Variants in TNFRSF10A observed in about 807,000 individuals in gnomAD.
The protein encoded by TNFRSF10A is tumor necrosis factor receptor superfamily member 10A.
Under a neutral mutation model 42.8 loss-of-function variants are expected in TNFRSF10A, and 44 were observed. The observed-to-expected ratio is 1.03, with a 90% CI of 0.81 to 1.32. The LOEUF (loss-of-function observed/expected upper bound fraction) is 1.32, where lower values mean the gene tolerates loss of function less well. TNFRSF10A is among the 40% of genes most tolerant of loss of function. TNFRSF10A has a pLI of 0.00. For missense variants in TNFRSF10A, 680 were observed against 602.0 expected (o/e 1.13, Z -1.36); for synonymous variants, 259 against 234.2 (o/e 1.11, Z -0.97).
chr8:23,191,806 A>C lies in TNFRSF10A; in HGVS notation c.1295T>G (p.Leu432Trp), dbSNP rs925466703. Residue 432 changes from leucine to tryptophan, a missense_variant, in exon 10 of 10, where the codon TTG (leucine) becomes TGG (tryptophan). Leu to Trp is a moderately conservative substitution (Grantham distance 61). Coordinates refer to ENST00000221132, the MANE Select transcript of TNFRSF10A (RefSeq NM_003844.4). ...NASIHTLLDA[L>W]ERMEERHARE... is the part of the protein sequence containing the mutation. ...TGCATGTCTCTCTTCCATCCTCTCC[A>C]AGGCATCCAGCAGGGTGTGGATCGA... 10 of 1,613,914 alleles carry C rather than the reference A, an allele frequency of 6.2e-6. No homozygotes were observed. The East Asian group carries it at 1.1e-4, about 18-fold the overall frequency.
intron 1 of TNFRSF10A, among the ~76,000 whole-genome samples, chr8:23,213,974 T>C (rs907543661): frequency 6.6e-6 from 1 of 152,088 alleles, no homozygotes; most frequent in Non-Finnish European, 1.5e-5. Flanking sequence ...TGTTGTTACA[T>C]GGATAAGTTC....
At chr8:23,219,915 TC>T (rs1801234812) in intron 1 of TNFRSF10A, among the ~76,000 whole-genome samples, 1 of 152,220 alleles carries the variant, frequency 6.6e-6, no homozygotes, top group Non-Finnish European at 1.5e-5. Context: ...TTTCTCTCAT[TC>T]CTACCAGTGC....
In TNFRSF10A at chr8:23,191,769, A is replaced by T; in HGVS notation, c.1332T>A (p.Ile444=). The stretch of plus-strand genomic sequence containing the variant: ...TTCCAGAGTCCACCAAGAGGTCCTG[A>T]ATCTTCTCTCTTGCATGTCTCTCTT... ...RMEERHAREK[I]QDLLVDSGKF... is the part of the protein sequence containing the mutation. Residue 444 remains isoleucine, a synonymous_variant, in exon 10 of 10, where the codon ATT becomes ATA. Transcript: ENST00000221132. 1 of 1,614,170 alleles carries T rather than the reference A, an allele frequency of 6.2e-7. No homozygotes were observed. Among genetic ancestry groups the T allele is most frequent in the South Asian group, 1.1e-5 (1 of 91,076 alleles).
Position 23,199,359 on chromosome 8 carries a change from G to A in TNFRSF10A, c.921C>T (p.Ser307=), listed in dbSNP as rs141566355. The A allele has an allele frequency of 4.3e-6, 7 of 1,614,076 alleles. No homozygotes were observed. In the East Asian group the frequency reaches 6.7e-5, roughly 15 times the overall value. Residue 307 remains serine, a synonymous_variant, in exon 8 of 10, where the codon TCC becomes TCT. Transcript: ENST00000221132. ...CCATTTGCTGCTCAGAGACGAAAGT[G>A]GACAGCGAGTCTGCGTTGCTCAGAA... ...NEILSNADSL[S]TFVSEQQMES... is the part of the protein sequence containing the mutation.
intron 1 of TNFRSF10A, among the ~76,000 whole-genome samples, chr8:23,217,052 T>C (rs1304984722): frequency 6.6e-6 from 1 of 152,214 alleles, no homozygotes; most frequent in Non-Finnish European, 1.5e-5. Context: ...TGGTTGACAA[T>C]GTTCAGATCT....
chr8:23,217,598 G>A (rs1242687184), intron 1 of TNFRSF10A, among the ~76,000 whole-genome samples: 6 of 152,108 alleles, frequency 3.9e-5, no homozygotes, highest in East Asian at 1.9e-4. Flanking sequence ...ACGAGCTCCT[G>A]GTGACTCTGG....
chr8:23,224,012 T>G (rs1030674082), intron 1 of TNFRSF10A, among the ~76,000 whole-genome samples: 2 of 152,134 alleles, frequency 1.3e-5, no homozygotes, highest in African/African-American at 4.8e-5. Flanking sequence ...GGCTGCGTGT[T>G]TAACCAATTT....
At chr8:23,203,677 T>C (rs1800967763) in intron 2 of TNFRSF10A, among the ~76,000 whole-genome samples, 1 of 152,238 alleles carries the variant, frequency 6.6e-6, no homozygotes, top group Non-Finnish European at 1.5e-5. Flanking sequence ...GAAAAAAAAC[T>C]TCCTTGATAA....
At chr8:23,192,938 C>T (rs1021195384) in intron 9 of TNFRSF10A, among the ~76,000 whole-genome samples, 1 of 152,184 alleles carries the variant, frequency 6.6e-6, no homozygotes, top group Non-Finnish European at 1.5e-5. Flanking sequence ...TCACTACATC[C>T]AGACCATGAT....
At chr8:23,222,656 G>T (rs902466221) in intron 1 of TNFRSF10A, among the ~76,000 whole-genome samples, 2 of 152,222 alleles carry the variant, frequency 1.3e-5, no homozygotes, top group South Asian at 2.1e-4. Flanking sequence ...CTTGGTGTCT[G>T]CTACGGGTCC....
At chr8:23,209,118 G>A (rs952541405) in intron 2 of TNFRSF10A, among the ~76,000 whole-genome samples, 18 of 152,204 alleles carry the variant, frequency 1.2e-4, no homozygotes, top group Non-Finnish European at 2.4e-4. Context: ...TGCTTCAGAG[G>A]TGGAAGCCCC....
intron 1 of TNFRSF10A, among the ~76,000 whole-genome samples, chr8:23,217,963 A>T (rs1308607880): frequency 2.0e-5 from 3 of 152,146 alleles, no homozygotes; most frequent in African/African-American, 7.2e-5. Flanking sequence ...ATAGAGGGAA[A>T]AGTCCACACA....
At chr8:23,207,186 G>C in intron 2 of TNFRSF10A, 1 of 598,574 alleles carries the variant, frequency 1.7e-6, no homozygotes, top group Non-Finnish European at 3.2e-6. Context: ...CAACACACTT[G>C]TGTTCATTGT....
At chr8:23,202,618 C>T in intron 3 of TNFRSF10A, 30 bp downstream of exon 3, 5 of 1,581,786 alleles carry the variant, frequency 3.2e-6, no homozygotes, top group Non-Finnish European at 4.3e-6. Flanking sequence ...CTCACTCCAC[C>T]TCTGGACAAG....
intron 2 of TNFRSF10A, among the ~76,000 whole-genome samples, chr8:23,209,121 G>A (rs1206252293): frequency 6.6e-6 from 1 of 152,216 alleles, no homozygotes; most frequent in African/African-American, 2.4e-5. Context: ...TTCAGAGGTG[G>A]AAGCCCCAAG....
chr8:23,221,034 C>G (rs1801248930), intron 1 of TNFRSF10A, among the ~76,000 whole-genome samples: 1 of 152,224 alleles, frequency 6.6e-6, no homozygotes, highest in Non-Finnish European at 1.5e-5. Context: ...TCCTCTGTTC[C>G]TCCACGGCCC....
rs1057060028 is a variant in TNFRSF10A at position 23,196,294 on chromosome 8, T to C, written c.1087+838A>G. 2.5e-4 allele frequency among the ~76,000 whole-genome samples: 38 copies of C among 152,024 alleles called. 1 individual carries two copies. Among genetic ancestry groups the C allele is most frequent in the Non-Finnish European group, 4.3e-4 (29 of 67,994 alleles). On this transcript the variant is annotated intron_variant, in intron 9 of 9. Transcript: ENST00000221132. The stretch of plus-strand genomic sequence containing the variant: ...CTGCAAGCTCTGCCTCCCGGGTTCA[T>C]GCCATTCTCCTGCCTCAGCCTCCCG...
At chr8:23,214,431 T>C (rs1801146249) in intron 1 of TNFRSF10A, among the ~76,000 whole-genome samples, 2 of 151,188 alleles carry the variant, frequency 1.3e-5, no homozygotes, top group Non-Finnish European at 2.9e-5. Flanking sequence ...GAGCTTGCAG[T>C]GAGCCGAGAT....
At position 23,213,289 on chromosome 8, in the gene TNFRSF10A, T is replaced by A. The variant is rs116450474; in HGVS notation, c.307-1077A>T. Among the ~76,000 whole-genome samples, 1,168 of 152,100 alleles carry A rather than the reference T, an allele frequency of 7.7e-3. 16 individuals are homozygous for A. Among genetic ancestry groups the A allele is most frequent in the African/African-American group, 0.027 (1,110 of 41,536 alleles). On this transcript the variant is annotated intron_variant, in intron 1 of 9. Transcript: ENST00000221132. ...TATTTAAGTTTTCTGTCTTTTTTCT[T>A]AGTCCATCTAAGTAAAGGTTTGTAC...
Sources: allele counts gnomAD v4.1 joint callset (sites outside exome capture counted in the v4.1 genomes callset), GRCh38; gene constraint gnomAD v4.1.1; transcripts MANE v1.5; gene names NCBI Gene and HGNC (gene_info 2026-07-23, HGNC 2026-07-21).